The following PTPRO variants were observed in gnomAD, a reference collection of about 807,000 sequenced individuals.
PTPRO encodes the protein protein tyrosine phosphatase receptor type O, also known as receptor-type tyrosine-protein phosphatase O.
In PTPRO, 62 loss-of-function variants were observed where a neutral mutation model predicts 145.2. The observed-to-expected ratio is 0.43, with a 90% CI of 0.35 to 0.53. The LOEUF (loss-of-function observed/expected upper bound fraction) is 0.53. Ranked by LOEUF, PTPRO falls within the 20% of genes least tolerant of loss-of-function variation. The pLI, the probability that PTPRO is intolerant of heterozygous loss-of-function variation, is 0.01. For missense variants in PTPRO, 1,345 were observed against 1,482.7 expected (o/e 0.91, Z 1.53); for synonymous variants, 565 against 514.7 (o/e 1.10, Z -1.32).
rs554320009 is a variant in PTPRO, at chr12:15,361,159, C to T, written c.75+38358C>T. 1.3e-4 allele frequency among the ~76,000 whole-genome samples: 20 copies of T among 151,504 alleles called. No individual in the cohort carries two copies. In the South Asian group the frequency reaches 2.7e-3, roughly 21 times the overall value. Reference sequence around the variant, plus strand: ...TGCTGCAGAAATTCAGAACATGGGTCGGGCGTGGTGGCTCACGTCTGTAAT... The same window carrying T: ...TGCTGCAGAAATTCAGAACATGGGTTGGGCGTGGTGGCTCACGTCTGTAAT... On this transcript the variant is annotated intron_variant, in intron 1 of 26. Coordinates refer to ENST00000281171, the MANE Select transcript of PTPRO (RefSeq NM_030667.3).
chr12:15,394,008 A>G (rs1939267555), intron 1 of PTPRO, among the ~76,000 whole-genome samples: 1 of 152,102 alleles, frequency 6.6e-6, no homozygotes. Context: ...GTGACAACCA[A>G]CCAACTCCTG....
At chr12:15,500,743 G>A (rs1591657215) in intron 4 of PTPRO, among the ~76,000 whole-genome samples, 1 of 152,204 alleles carries the variant, frequency 6.6e-6, no homozygotes, top group East Asian at 1.9e-4. Flanking sequence ...CCAACGTGGT[G>A]AAACCCCATC....
At position 15,485,657 on chromosome 12, in the gene PTPRO, C is replaced by T. The variant is rs141848861; in HGVS notation, c.349+1410C>T. 1.0e-3 allele frequency among the ~76,000 whole-genome samples: 159 copies of T among 152,258 alleles called. 2 individuals are homozygous for T. The East Asian group carries it at 0.03, about 29-fold the overall frequency. On this transcript the variant is annotated intron_variant, in intron 2 of 26. Coordinates refer to ENST00000281171, the MANE Select transcript of PTPRO (RefSeq NM_030667.3). ...CGCTGATCCAACATTTATGAGCATGCACTCAGCCATTCCTCATCAGTTGCA... is the reference window on the plus strand; with the variant it reads ...CGCTGATCCAACATTTATGAGCATGTACTCAGCCATTCCTCATCAGTTGCA...
At chr12:15,571,730 C>A (rs1373734593) in intron 19 of PTPRO, among the ~76,000 whole-genome samples, 2 of 151,874 alleles carry the variant, frequency 1.3e-5, no homozygotes, top group Non-Finnish European at 2.9e-5. Context: ...GATGGACGAG[C>A]CTGTGTCATG....
At chr12:15,337,716 A>G (rs1049261791) in intron 1 of PTPRO, among the ~76,000 whole-genome samples, 14 of 152,352 alleles carry the variant, frequency 9.2e-5, no homozygotes, top group Admixed American at 7.8e-4. Context: ...CATCCATACC[A>G]TATAATATTA....
intron 13 of PTPRO, among the ~76,000 whole-genome samples, chr12:15,547,398 T>C (rs1434839119): frequency 6.6e-6 from 1 of 152,068 alleles, no homozygotes; most frequent in Non-Finnish European, 1.5e-5. Context: ...CAGCCAGAAG[T>C]GAAAGGAAAA....
chr12:15,507,842 A>C (rs1040009289), intron 6 of PTPRO, among the ~76,000 whole-genome samples: 1 of 152,206 alleles, frequency 6.6e-6, no homozygotes, highest in East Asian at 1.9e-4. Flanking sequence ...TAAGCAAATA[A>C]ATGGAAGTTT....
At chr12:15,375,138 G>A (rs150685474) in intron 1 of PTPRO, among the ~76,000 whole-genome samples, 99 of 152,290 alleles carry the variant, frequency 6.5e-4, no homozygotes, top group African/African-American at 2.3e-3. Flanking sequence ...AGACTTTACA[G>A]AATTAGCCCT....
chr12:15,465,033 C>T (rs1941386618), intron 1 of PTPRO, among the ~76,000 whole-genome samples: 1 of 152,092 alleles, frequency 6.6e-6, no homozygotes, highest in Non-Finnish European at 1.5e-5. Context: ...TTAACAAGTT[C>T]AATATGTCAA....
chr12:15,474,726 A>T (rs1277763409), intron 1 of PTPRO, among the ~76,000 whole-genome samples: 1 of 152,192 alleles, frequency 6.6e-6, no homozygotes, highest in African/African-American at 2.4e-5. Context: ...ACTTGCCTAC[A>T]TTTATCAGAT....
rs1160324690 is a variant in PTPRO at position 15,580,755 on chromosome 12, A to G, written c.3056A>G (p.Asn1019Ser). 1 of 1,613,894 alleles carries G rather than the reference A, an allele frequency of 6.2e-7. No homozygotes were observed. Among genetic ancestry groups the G allele is most frequent in the East Asian group, 2.2e-5 (1 of 44,864 alleles). ...CAGGGGCCACTGCCTGAAACCAGAA[A>G]TGACTTCTGGAAGATGGTCCTGCAA... ...ATQGPLPETR[N>S]DFWKMVLQQK... The change falls in exon 22 of 27, where the codon AAT becomes AGT. Residue 1019 changes from asparagine (N) to serine (S), a missense_variant. Around this residue, in one of 3 missense-constraint regions of PTPRO, gnomAD observed 7 missense variants for 25.3 expected, o/e 0.28. Transcript: ENST00000281171.
intron 12 of PTPRO, among the ~76,000 whole-genome samples, chr12:15,543,026 T>G (rs1943210803): frequency 6.6e-6 from 1 of 152,222 alleles, no homozygotes; most frequent in Non-Finnish European, 1.5e-5. Flanking sequence ...AAGTTCATAA[T>G]TATAATAACA....
At chr12:15,523,508 C>T (rs1363434995) in intron 10 of PTPRO, among the ~76,000 whole-genome samples, 1 of 152,186 alleles carries the variant, frequency 6.6e-6, no homozygotes, top group Non-Finnish European at 1.5e-5. Flanking sequence ...GGCGTGGAAG[C>T]TCACGCCTGA....
At chr12:15,374,430 G>A (rs557445518) in intron 1 of PTPRO, among the ~76,000 whole-genome samples, 1 of 152,232 alleles carries the variant, frequency 6.6e-6, no homozygotes, top group South Asian at 2.1e-4. Context: ...TGCTGAACTT[G>A]AGTAAGAACA....
Position 15,396,779 on chromosome 12 carries a change from A to G in PTPRO, c.75+73978A>G, listed in dbSNP as rs77954487. 4.2e-3 allele frequency among the ~76,000 whole-genome samples: 641 copies of G among 152,264 alleles called. 2 individuals carry two copies. Among genetic ancestry groups the G allele is most frequent in the Middle Eastern group, 0.01 (3 of 294 alleles). Reference sequence around the variant, plus strand: ...AGGAAGCATTTTTATTAGGCCATTTACTCCTCTTAATATAGTCTTTCCCTT... The same window carrying G: ...AGGAAGCATTTTTATTAGGCCATTTGCTCCTCTTAATATAGTCTTTCCCTT... On this transcript the variant is annotated intron_variant, in intron 1 of 26. Transcript: ENST00000281171.
At chr12:15,501,511 T>C (rs1182134691) in intron 4 of PTPRO, 109 bp from the exon 5 acceptor site, 1 of 1,044,916 alleles carries the variant, frequency 9.6e-7, no homozygotes, top group African/African-American at 1.6e-5. Context: ...GAAGTAAAAT[T>C]AAATTCCACT....
chr12:15,546,717 C>A lies in PTPRO; in HGVS notation c.2304+9C>A. 6.2e-7 allele frequency: 1 copy of A among 1,613,772 alleles called. No individual in the cohort carries two copies. Reference sequence around the variant, plus strand: ...AGAAAACCAAACTTCAGGTACTGTACCTTTTGATCTACCTTTTCTCAGTTA... The same window carrying A: ...AGAAAACCAAACTTCAGGTACTGTAACTTTTGATCTACCTTTTCTCAGTTA... On this transcript the variant is annotated intron_variant, in intron 13 of 26. Transcript: ENST00000281171.
intron 1 of PTPRO, among the ~76,000 whole-genome samples, chr12:15,412,949 T>A (rs917107113): frequency 6.6e-6 from 1 of 151,930 alleles, no homozygotes; most frequent in Admixed American, 6.6e-5. Flanking sequence ...ATGCACACCA[T>A]GCCCAGCTAA....
intron 13 of PTPRO, among the ~76,000 whole-genome samples, chr12:15,548,528 A>ATGTGTGTGTGTGTGTGTGTG (rs34372542): frequency 6.7e-6 from 1 of 149,228 alleles, no homozygotes; most frequent in Non-Finnish European, 1.5e-5. Context: ...GTGTATATAT[A>ATGTGTGTGTGTGTGTGTGTG]TGTGTGTGTG....
Sources: gnomAD v4.1 joint callset for allele counts (sites outside exome capture counted in the v4.1 genomes callset) on GRCh38, gnomAD v4.1.1 for gene constraint, gnomAD v4.1.1 regional missense constraint, MANE v1.5 for transcripts, NCBI Gene and HGNC (gene_info 2026-07-23, HGNC 2026-07-21) for gene names.